RB1: variants seen among roughly 807,000 people sequenced by gnomAD.
RB1 encodes the protein retinoblastoma-associated protein.
In RB1, 18 loss-of-function variants were observed where a neutral mutation model predicts 135.4. The observed-to-expected ratio is 0.13, with a 90% confidence interval of 0.09 to 0.20. The LOEUF (loss-of-function observed/expected upper bound fraction) is 0.20, where lower values mean the gene tolerates loss of function less well. Among genes scored for constraint, RB1 ranks in the 10% least tolerant of loss-of-function variants. The pLI is 1.00. For synonymous variants in RB1, 365 were observed against 373.2 expected (o/e 0.98, Z 0.25); for missense variants, 868 against 1,110.0 (o/e 0.78, Z 3.10).
chr13:48,406,218 TG>T (rs1948738537), intron 17 of RB1, among the ~76,000 whole-genome samples: 1 of 152,114 alleles, frequency 6.6e-6, no homozygotes, highest in Non-Finnish European at 1.5e-5. Flanking sequence ...TGTGTATGTG[TG>T]TGTTAGATAT....
chr13:48,380,320 G>T, intron 16 of RB1, 79 bp downstream of exon 16: 1 of 1,060,384 alleles, frequency 9.4e-7, no homozygotes, highest in East Asian at 2.5e-5. Flanking sequence ...TCGGGGGAGA[G>T]GGATAGTGTG....
chr13:48,463,218 T>G (rs1949416468), intron 20 of RB1, among the ~76,000 whole-genome samples: 1 of 152,212 alleles, frequency 6.6e-6, no homozygotes, highest in South Asian at 2.1e-4. Context: ...AAGTATACAT[T>G]CTAACAAAAA....
intron 17 of RB1, among the ~76,000 whole-genome samples, chr13:48,419,432 C>T (rs1324887095): frequency 6.6e-6 from 1 of 152,022 alleles, no homozygotes; most frequent in Admixed American, 6.5e-5. Context: ...CAGGAGAAAG[C>T]AGAAAAGATG....
Position 48,479,934 on chromosome 13 carries a change from G to T in RB1, c.2714-64G>T, listed in dbSNP as rs1593549537. On this transcript the variant is annotated intron_variant, in intron 26 of 26. Coordinates refer to ENST00000267163, the MANE Select transcript of RB1 (RefSeq NM_000321.3). ...GTTTGACATGAGCATAATATATATG[G>T]CAGCCACTTGCCAACTTACCCAGTA... The T allele has an allele frequency of 4.6e-6, 6 of 1,290,982 alleles. No individual in the cohort carries two copies. In the Admixed American group the frequency reaches 8.8e-5, roughly 19 times the overall value. The allele number at this position is 1,290,982 out of a possible 1,614,324, so 80.0% of individuals were successfully genotyped here. A position where few individuals can be genotyped will look rare whatever the true frequency, so the allele number is the denominator to read the frequency against.
intron 19 of RB1, among the ~76,000 whole-genome samples, chr13:48,456,578 A>G (rs1304736164): frequency 6.6e-6 from 1 of 151,948 alleles, no homozygotes; most frequent in African/African-American, 2.4e-5. Flanking sequence ...CCCTTGATCA[A>G]TTTTTGCTCA....
rs137975772 is a variant in RB1 at position 48,431,096 on chromosome 13, T to C, written c.1696-21897T>C. On this transcript the variant is annotated intron_variant, in intron 17 of 26. Coordinates refer to ENST00000267163, the MANE Select transcript of RB1 (RefSeq NM_000321.3). ...CATATGAGTTATAACATTTACAGAA[T>C]AGTTAAATGACAAATTATGGAAACA... Among the ~76,000 whole-genome samples, 954 of 151,970 alleles carry C rather than the reference T, an allele frequency of 6.3e-3. 11 individuals are homozygous for C. The highest frequency in any genetic ancestry group is 0.022 in the African/African-American group (907 of 41,508).
At chr13:48,391,118 C>T (rs948485406) in intron 17 of RB1, among the ~76,000 whole-genome samples, 1 of 151,908 alleles carries the variant, frequency 6.6e-6, no homozygotes, top group Non-Finnish European at 1.5e-5. Flanking sequence ...GTCTATACTT[C>T]TTTATTTTGT....
chr13:48,308,621 CCA>C (rs1952106587), intron 2 of RB1, among the ~76,000 whole-genome samples: 1 of 151,742 alleles, frequency 6.6e-6, no homozygotes, highest in Non-Finnish European at 1.5e-5. Flanking sequence ...CCACTGCACT[CCA>C]GACTAGGCAA....
chr13:48,315,105 T>C (rs1372751930), intron 2 of RB1, among the ~76,000 whole-genome samples: 2 of 152,202 alleles, frequency 1.3e-5, no homozygotes, highest in African/African-American at 4.8e-5. Context: ...AGAAACAGCA[T>C]TGAACCTGTA....
intron 6 of RB1, among the ~76,000 whole-genome samples, chr13:48,350,277 A>G (rs1952536275): frequency 6.6e-6 from 1 of 152,174 alleles, no homozygotes; most frequent in Non-Finnish European, 1.5e-5. Context: ...AGGATAGACC[A>G]TGTGTTAGGC....
intron 8 of RB1, 124 bp from the exon 9 acceptor site, chr13:48,364,770 T>C (rs1286666421): frequency 8.9e-7 from 1 of 1,129,592 alleles, no homozygotes; most frequent in African/African-American, 1.6e-5. Flanking sequence ...ATAAAAAAGT[T>C]ATACACAGAT....
intron 2 of RB1, chr13:48,317,397 G>A: frequency 2.6e-6 from 1 of 385,238 alleles, no homozygotes; most frequent in South Asian, 3.4e-5. Flanking sequence ...ACGGGTTCCG[G>A]TGGGTGAAGT....
chr13:48,478,216 T>C (rs1270797731), intron 26 of RB1, among the ~76,000 whole-genome samples: 2 of 152,212 alleles, frequency 1.3e-5, no homozygotes, highest in East Asian at 1.9e-4. Flanking sequence ...ACAATACCAA[T>C]TAAAATGAGA....
chr13:48,310,829 G>C, intron 2 of RB1, among the ~76,000 whole-genome samples: 1 of 152,048 alleles, frequency 6.6e-6, no homozygotes, highest in East Asian at 1.9e-4. Flanking sequence ...GTGGTATTTT[G>C]TCTAGAAAAG....
At chr13:48,344,631 G>A (rs891593942) in intron 3 of RB1, among the ~76,000 whole-genome samples, 4 of 152,096 alleles carry the variant, frequency 2.6e-5, no homozygotes, top group Non-Finnish European at 5.9e-5. Context: ...GATAGAAAAT[G>A]GTTACTTACA....
intron 17 of RB1, chr13:48,411,750 GT>G (rs1254673157): frequency 6.2e-7 from 1 of 1,610,348 alleles, no homozygotes. Context: ...TAAAACCTTA[GT>G]TTTGTTTATT....
chr13:48,447,176 T>C (rs1018432851), intron 17 of RB1, among the ~76,000 whole-genome samples: 3 of 152,216 alleles, frequency 2.0e-5, no homozygotes, highest in South Asian at 2.1e-4. Context: ...TTTTTTGCTT[T>C]GGGCAACTGG....
At chr13:48,326,156 A>G (rs1952285539) in intron 2 of RB1, among the ~76,000 whole-genome samples, 1 of 152,100 alleles carries the variant, frequency 6.6e-6, no homozygotes, top group Non-Finnish European at 1.5e-5. Flanking sequence ...ACTAATATAT[A>G]TTTCTAGCAG....
intron 2 of RB1, 32 bp downstream of exon 2, chr13:48,307,438 T>G (rs776979424): frequency 1.3e-6 from 2 of 1,598,926 alleles, no homozygotes; most frequent in East Asian, 4.5e-5. Context: ...TTTGAAATTT[T>G]TTTTTCTCAT....
Sources: allele counts gnomAD v4.1 joint callset (sites outside exome capture counted in the v4.1 genomes callset), GRCh38; gene constraint gnomAD v4.1.1; transcripts MANE v1.5; gene names NCBI Gene and HGNC (gene_info 2026-07-23, HGNC 2026-07-21).